The following LRRC4C variants were observed in gnomAD, a reference collection of about 807,000 sequenced individuals.
The protein encoded by LRRC4C is leucine-rich repeat-containing protein 4C.
Under a neutral mutation model 33.6 loss-of-function variants are expected in LRRC4C, and 5 were observed. That is an observed-to-expected ratio of 0.15 (90% CI 0.08 to 0.31). LRRC4C has a LOEUF of 0.31. LRRC4C is among the 10% of genes least tolerant of loss of function. The pLI is 1.00. For missense variants in LRRC4C, 560 were observed against 796.7 expected (o/e 0.70, Z 3.58); for synonymous variants, 329 against 302.0 (o/e 1.09, Z -0.93).
At chr11:40,558,328 G>A (rs534034097) in intron 3 of LRRC4C, among the ~76,000 whole-genome samples, 20 of 152,256 alleles carry the variant, frequency 1.3e-4, no homozygotes, top group South Asian at 4.2e-4. Context: ...TCTGATCAGC[G>A]TAGGGATACA....
chr11:41,022,985 T>C (rs1435643522), intron 1 of LRRC4C, among the ~76,000 whole-genome samples: 7 of 152,074 alleles, frequency 4.6e-5, no homozygotes, highest in Non-Finnish European at 1.5e-5. Flanking sequence ...AATCTGTATG[T>C]AAAAATCCAG....
At chr11:40,587,658 C>G (rs1471515245) in intron 3 of LRRC4C, among the ~76,000 whole-genome samples, 2 of 151,386 alleles carry the variant, frequency 1.3e-5, no homozygotes, top group Non-Finnish European at 2.9e-5. Context: ...CCATCAATAC[C>G]TAATTTGTTG....
chr11:40,410,478 CTG>C (rs904251622), intron 3 of LRRC4C, among the ~76,000 whole-genome samples: 3 of 152,078 alleles, frequency 2.0e-5, no homozygotes, highest in Non-Finnish European at 4.4e-5. Flanking sequence ...GTAATGAACA[CTG>C]TGTGTAGATG....
chr11:40,170,301 T>C (rs977021302), intron 5 of LRRC4C, among the ~76,000 whole-genome samples: 1 of 152,220 alleles, frequency 6.6e-6, no homozygotes, highest in Admixed American at 6.5e-5. Context: ...ACTTGGATGC[T>C]AACTATGCTC....
At chr11:40,419,104 T>A (rs1950433144) in intron 3 of LRRC4C, among the ~76,000 whole-genome samples, 1 of 151,766 alleles carries the variant, frequency 6.6e-6, no homozygotes, top group African/African-American at 2.4e-5. Context: ...AACCTGCACA[T>A]CCTGCACTTG....
chr11:40,789,459 ATAACT>A (rs1310481078), intron 2 of LRRC4C, among the ~76,000 whole-genome samples: 5 of 152,152 alleles, frequency 3.3e-5, no homozygotes, highest in Admixed American at 1.3e-4. Flanking sequence ...TAAAAAAATT[ATAACT>A]TAACTTTAAT....
intron 1 of LRRC4C, among the ~76,000 whole-genome samples, chr11:41,075,650 A>G (rs1373542807): frequency 6.6e-6 from 1 of 152,172 alleles, no homozygotes; most frequent in Non-Finnish European, 1.5e-5. Context: ...GAAACTTCTC[A>G]TAATTTCACA....
chr11:40,365,042 C>T (rs1565316733), intron 3 of LRRC4C, among the ~76,000 whole-genome samples: 1 of 150,198 alleles, frequency 6.7e-6, no homozygotes, highest in Non-Finnish European at 1.5e-5. Flanking sequence ...ATCATAATCA[C>T]CACAAGAAAA....
intron 2 of LRRC4C, among the ~76,000 whole-genome samples, chr11:40,781,328 CAT>C (rs954000286): frequency 9.9e-5 from 15 of 151,974 alleles, no homozygotes; most frequent in Admixed American, 7.9e-4. Flanking sequence ...CACACACACA[CAT>C]ATATTTATAT....
intron 1 of LRRC4C, among the ~76,000 whole-genome samples, chr11:41,229,430 T>C (rs1311923215): frequency 6.6e-6 from 1 of 152,120 alleles, no homozygotes; most frequent in African/African-American, 2.4e-5. Context: ...AGCCGACTAA[T>C]ACAGGAGCAT....
intron 4 of LRRC4C, among the ~76,000 whole-genome samples, chr11:40,278,075 ATAAG>A (rs1943238781): frequency 6.6e-6 from 1 of 152,338 alleles, no homozygotes; most frequent in Middle Eastern, 3.4e-3. Flanking sequence ...ATGTCACTGC[ATAAG>A]TAAGAATTAA....
intron 1 of LRRC4C, among the ~76,000 whole-genome samples, chr11:41,230,945 T>C (rs1251645452): frequency 2.0e-5 from 3 of 146,466 alleles, no homozygotes; most frequent in Non-Finnish European, 4.5e-5. Flanking sequence ...CATCAACAAG[T>C]GGGCAAAGGA....
At chr11:41,414,512 G>C (rs1365616370) in intron 1 of LRRC4C, among the ~76,000 whole-genome samples, 1 of 151,998 alleles carries the variant, frequency 6.6e-6, no homozygotes, top group Non-Finnish European at 1.5e-5. Flanking sequence ...CATTGCAAAG[G>C]TGGGGCTAAA....
intron 1 of LRRC4C, among the ~76,000 whole-genome samples, chr11:41,339,738 G>T (rs976617557): frequency 6.6e-5 from 10 of 152,274 alleles, no homozygotes; most frequent in African/African-American, 2.4e-4. Context: ...TGGAGTAATG[G>T]TTATATAGGC....
At chr11:40,913,482 A>G (rs543782747) in intron 2 of LRRC4C, among the ~76,000 whole-genome samples, 1 of 152,306 alleles carries the variant, frequency 6.6e-6, no homozygotes, top group South Asian at 2.1e-4. Flanking sequence ...AGAAATAAAG[A>G]TGTTCTTTGA....
At chr11:41,186,644 G>T (rs550393689) in intron 1 of LRRC4C, among the ~76,000 whole-genome samples, 1 of 152,212 alleles carries the variant, frequency 6.6e-6, no homozygotes, top group Non-Finnish European at 1.5e-5. Flanking sequence ...GGAGATGAGA[G>T]TTAATTTGAA....
chr11:40,858,685 T>A, intron 2 of LRRC4C, among the ~76,000 whole-genome samples: 1 of 107,950 alleles, frequency 9.3e-6, no homozygotes, highest in South Asian at 3.3e-4. Context: ...AGAGTGAGAC[T>A]CCTTCTTAAA....
At chr11:40,441,514 G>A (rs113554728) in intron 3 of LRRC4C, among the ~76,000 whole-genome samples, 1 of 152,140 alleles carries the variant, frequency 6.6e-6, no homozygotes, top group African/African-American at 2.4e-5. Context: ...GTTGATCTGG[G>A]TCTACCATTT....
At chr11:41,026,839 G>C (rs1856405209) in intron 1 of LRRC4C, among the ~76,000 whole-genome samples, 1 of 151,188 alleles carries the variant, frequency 6.6e-6, no homozygotes, top group South Asian at 2.1e-4. Context: ...AATTTTTTCA[G>C]ACAGAATGTT....
Sources: allele counts gnomAD v4.1 joint callset (sites outside exome capture counted in the v4.1 genomes callset), GRCh38; gene constraint gnomAD v4.1.1; transcripts MANE v1.5; gene names NCBI Gene and HGNC (gene_info 2026-07-23, HGNC 2026-07-21).